The following CLTCL1 variants were observed in gnomAD, a reference collection of about 807,000 sequenced individuals.
CLTCL1 encodes the protein clathrin heavy chain 2.
In CLTCL1, 159 loss-of-function variants were observed where a neutral mutation model predicts 190.0. The ratio of observed to expected loss-of-function variants is 0.84; its 90% CI spans 0.74 to 0.95. The LOEUF (loss-of-function observed/expected upper bound fraction) is 0.95. Ranked by LOEUF, CLTCL1 falls within the 40% of genes least tolerant of loss-of-function variation. The probability of loss-of-function intolerance (pLI) is 0.00; values close to 1 mark genes in which losing one functional copy is unlikely to be tolerated. For missense variants in CLTCL1, 1,878 were observed against 2,033.4 expected, an observed-to-expected ratio of 0.92 and a Z score of 1.47; for synonymous variants, 752 against 769.6, an observed-to-expected ratio of 0.98 and a Z score of 0.38.
rs1365632001 is a variant in CLTCL1, at chr22:19,225,640, A to T, written c.1948-7T>A. On this transcript the variant is annotated splice_region_variant and splice_polypyrimidine_tract_variant and intron_variant, in intron 12 of 32. Coordinates refer to ENST00000427926, the MANE Select transcript of CLTCL1 (RefSeq NM_007098.4). Reference sequence around the variant, plus strand: ...CAAAGAAATTGACAAGCCACTGGGAACAAGGAAGAGTCTGTCCACAACGAT... The same window carrying T: ...CAAAGAAATTGACAAGCCACTGGGATCAAGGAAGAGTCTGTCCACAACGAT... 1 of 1,566,178 alleles carries T rather than the reference A, an allele frequency of 6.4e-7. No individual in the cohort carries two copies. Among genetic ancestry groups the T allele is most frequent in the Admixed American group, 1.9e-5 (1 of 52,796 alleles).
At chr22:19,289,350 T>G (rs73379807) in intron 1 of CLTCL1, among the ~76,000 whole-genome samples, 4,587 of 152,222 alleles carry the variant, frequency 0.03, 226 homozygotes, top group African/African-American at 0.1. Context: ...ACTAAAAGTC[T>G]TTTTCATATT....
intron 2 of CLTCL1, chr22:19,258,471 A>G: frequency 2.2e-6 from 1 of 446,394 alleles, no homozygotes; most frequent in Non-Finnish European, 4.3e-6. Context: ...TCTGAAGATC[A>G]GCTTGGAGAA....
intron 18 of CLTCL1, among the ~76,000 whole-genome samples, chr22:19,217,638 A>G (rs1208139443): frequency 6.9e-6 from 1 of 143,980 alleles, no homozygotes; most frequent in East Asian, 2.0e-4. Flanking sequence ...AAAAAAAAAA[A>G]AGAGTTCGAG....
intron 2 of CLTCL1, among the ~76,000 whole-genome samples, chr22:19,255,535 C>T (rs12628723): frequency 6.6e-6 from 1 of 151,570 alleles, no homozygotes; most frequent in East Asian, 1.9e-4. Flanking sequence ...TGCACTCCAG[C>T]CTGGGTGACA....
chr22:19,208,119 C>T, intron 22 of CLTCL1, 35 bp downstream of exon 22: 1 of 1,613,368 alleles, frequency 6.2e-7, no homozygotes, highest in Non-Finnish European at 8.5e-7. Context: ...CTAAATCTGA[C>T]TGGCAGTGCA....
chr22:19,196,768 A>C, intron 24 of CLTCL1, 112 bp from the exon 25 acceptor site: 1 of 1,247,956 alleles, frequency 8.0e-7, no homozygotes, highest in Non-Finnish European at 1.1e-6. Flanking sequence ...AATGATCCCG[A>C]GGAGGCATGT....
Position 19,221,388 on chromosome 22 carries a change from C to A in CLTCL1, c.2785G>T (p.Glu929Ter), listed in dbSNP as rs546347801. Residue 929 changes from glutamate (E) to a stop codon, truncating the protein, a stop_gained, in exon 17 of 33, where the codon GAG (glutamate) becomes TAG (stop). Coordinates refer to ENST00000427926, the MANE Select transcript of CLTCL1 (RefSeq NM_007098.4). LOFTEE classifies it high-confidence loss of function. ...VAYERGQCDLELIKVCNENSL... is the reference protein window; with the variant it reads ...VAYERGQCDL The stretch of plus-strand genomic sequence containing the variant: ...CATCTGCTACCCACCTTGATGAGCT[C>A]AAGGTCACACTGCCCCCGCTCATAG... 245 of 1,551,326 alleles carry A rather than the reference C, an allele frequency of 1.6e-4. 4 individuals are homozygous for A. In the South Asian group the frequency reaches 2.3e-3, roughly 15 times the overall value.
chr22:19,280,354 G>A (rs2087662572), intron 1 of CLTCL1, among the ~76,000 whole-genome samples: 1 of 151,498 alleles, frequency 6.6e-6, no homozygotes, highest in Non-Finnish European at 1.5e-5. Context: ...TTTTTTAGGT[G>A]TGATGTTATT....
chr22:19,254,419 T>C (rs1318030058), intron 2 of CLTCL1, among the ~76,000 whole-genome samples, 192 bp from the exon 3 acceptor site: 1 of 152,222 alleles, frequency 6.6e-6, no homozygotes, highest in African/African-American at 2.4e-5. Context: ...GAAGAGCCTG[T>C]ATGCATTAAA....
intron 3 of CLTCL1, among the ~76,000 whole-genome samples, chr22:19,250,777 C>T (rs1276977469): frequency 6.6e-6 from 1 of 152,106 alleles, no homozygotes; most frequent in Non-Finnish European, 1.5e-5. Flanking sequence ...TGGTCTCGAA[C>T]TCCTGGGCTC....
intron 29 of CLTCL1, chr22:19,184,900 TCCCC>T: frequency 3.9e-6 from 1 of 258,040 alleles, no homozygotes; most frequent in Non-Finnish European, 7.7e-6. Context: ...TTCATCCTGG[TCCCC>T]ATCCCTGTGT....
chr22:19,198,958 G>A lies in CLTCL1; in HGVS notation c.3873+776C>T, dbSNP rs1555937438. On this transcript the variant is annotated intron_variant, in intron 24 of 32. Transcript: ENST00000427926. This position sits in a 1 kb window ranked among gnomAD's most constrained non-coding sequence, Gnocchi z 4.1. Reference sequence around the variant, plus strand: ...TGTTGGCTTTCCAGTTCATTTCTCAGGCGCCTCTCTGGGGGTGGGAAAGCA... The same window carrying A: ...TGTTGGCTTTCCAGTTCATTTCTCAAGCGCCTCTCTGGGGGTGGGAAAGCA... Among the ~76,000 whole-genome samples, 1 of 152,116 alleles carries A rather than the reference G, an allele frequency of 6.6e-6. No homozygotes were observed. Among genetic ancestry groups the A allele is most frequent in the African/African-American group, 2.4e-5 (1 of 41,422 alleles).
chr22:19,238,998 A>G (rs2086167995), intron 5 of CLTCL1, among the ~76,000 whole-genome samples: 1 of 152,160 alleles, frequency 6.6e-6, no homozygotes, highest in Non-Finnish European at 1.5e-5. Context: ...GTGAACATCT[A>G]ATCTTTTATA....
intron 26 of CLTCL1, among the ~76,000 whole-genome samples, chr22:19,192,358 C>A (rs1240785760): frequency 1.3e-5 from 2 of 152,230 alleles, no homozygotes; most frequent in African/African-American, 4.8e-5. Context: ...AGCCACCGCG[C>A]CCAGCCCTGG....
chr22:19,191,459 C>T (rs1555932131), intron 26 of CLTCL1, 24 bp from the exon 27 acceptor site: 1 of 1,610,318 alleles, frequency 6.2e-7, no homozygotes, highest in East Asian at 2.2e-5. Flanking sequence ...AGCTGAGGGT[C>T]AGTCCCTGCC....
chr22:19,237,630 A>C (rs1243332265), intron 5 of CLTCL1, among the ~76,000 whole-genome samples: 1 of 152,234 alleles, frequency 6.6e-6, no homozygotes, highest in African/African-American at 2.4e-5. Flanking sequence ...TGTAAATGTA[A>C]ATACCAATCA....
chr22:19,214,507 T>A (rs1402430920), intron 19 of CLTCL1, among the ~76,000 whole-genome samples: 2 of 152,130 alleles, frequency 1.3e-5, no homozygotes, highest in Non-Finnish European at 2.9e-5. Context: ...TTCCCCGCAT[T>A]TGTAGCTTCT....
intron 18 of CLTCL1, among the ~76,000 whole-genome samples, chr22:19,218,384 C>T (rs559371969): frequency 6.6e-6 from 1 of 152,238 alleles, no homozygotes; most frequent in African/African-American, 2.4e-5. Context: ...AAAGTTGAAA[C>T]AGAGATTCAA....
At chr22:19,269,236 C>T (rs1178355145) in intron 2 of CLTCL1, among the ~76,000 whole-genome samples, 1 of 151,932 alleles carries the variant, frequency 6.6e-6, no homozygotes, top group Non-Finnish European at 1.5e-5. Context: ...CCCGTCCCTA[C>T]AAAAAACACA....
Sources: gnomAD v4.1 joint callset for allele counts (sites outside exome capture counted in the v4.1 genomes callset) on GRCh38, gnomAD v4.1.1 for gene constraint, Gnocchi (gnomAD v3.1) non-coding constraint, MANE v1.5 for transcripts, NCBI Gene and HGNC (gene_info 2026-07-23, HGNC 2026-07-21) for gene names.